BBS7: variants seen among roughly 807,000 people sequenced by gnomAD.
BBS7 encodes Bardet-Biedl syndrome 7, also known as BBSome complex member BBS7.
BBS7 carries 50 observed loss-of-function variants against 90.3 expected under a neutral mutation model. The ratio of observed to expected loss-of-function variants is 0.55; its 90% CI spans 0.44 to 0.70. The LOEUF (loss-of-function observed/expected upper bound fraction) is 0.70. Among genes scored for constraint, BBS7 ranks in the 30% least tolerant of loss-of-function variants. BBS7 has a pLI of 0.00. For missense variants in BBS7, 729 were observed against 838.9 expected (o/e 0.87, Z 1.62); for synonymous variants, 235 against 287.4 (o/e 0.82, Z 1.85).
At position 121,847,415 on chromosome 4, in the gene BBS7, A is replaced by C; in HGVS notation, c.1026T>G (p.Ile342Met). The change falls in exon 10 of 19, where the codon ATT becomes ATG. Residue 342 changes from isoleucine (I) to methionine (M), a missense_variant. Coordinates refer to ENST00000264499, the MANE Select transcript of BBS7 (RefSeq NM_176824.3). ...LKINQEMQNK[I>M]SSLRNELEHL... is the part of the protein sequence containing the mutation. ...AAACTCAAAGTTACCGTAAGGAAGA[A>C]ATTTTATTCTGCATCTCCTGATTAA... The C allele has an allele frequency of 6.2e-7, 1 of 1,610,586 alleles. No homozygotes were observed. Among genetic ancestry groups the C allele is most frequent in the Non-Finnish European group, 8.5e-7 (1 of 1,177,150 alleles).
intron 2 of BBS7, among the ~76,000 whole-genome samples, chr4:121,867,261 A>G (rs776230783): frequency 5.9e-5 from 9 of 152,048 alleles, no homozygotes; most frequent in Non-Finnish European, 1.2e-4. Flanking sequence ...ATTTCAGTAT[A>G]TTAATTTTGT....
chr4:121,859,829 A>G (rs551058995), intron 4 of BBS7, among the ~76,000 whole-genome samples: 3 of 152,162 alleles, frequency 2.0e-5, no homozygotes, highest in Non-Finnish European at 4.4e-5. Flanking sequence ...AGTTTATTTC[A>G]TATTACATTT....
Position 121,828,659 on chromosome 4 carries a change from T to C in BBS7, c.1746A>G (p.Lys582=), listed in dbSNP as rs1185659710. The change falls in exon 16 of 19, where the codon AAA becomes AAG. Residue 582 remains lysine (K), a synonymous_variant. Coordinates refer to ENST00000264499, the MANE Select transcript of BBS7 (RefSeq NM_176824.3). ...GGTTAATTTTCCTTTTTGTAGCTTC[T>C]TTAGAAAGCACATCTTTTAGGATGG... The part of the protein sequence containing the change: ...TISILKDVLS[K]EATKRKINLN... 3.1e-6 allele frequency: 5 copies of C among 1,610,090 alleles called. No individual in the cohort carries two copies. The African/African-American group carries it at 6.7e-5, about 22-fold the overall frequency.
intron 7 of BBS7, among the ~76,000 whole-genome samples, chr4:121,853,333 T>A (rs1028676492): frequency 2.0e-5 from 3 of 152,116 alleles, no homozygotes; most frequent in South Asian, 2.1e-4. Context: ...TCCAGACTTA[T>A]ATATTCAATT....
Position 121,825,961 on chromosome 4 carries a change from T to A in BBS7, c.2047A>T (p.Lys683Ter). 6.2e-7 allele frequency: 1 copy of A among 1,605,476 alleles called. No individual in the cohort carries two copies. Among genetic ancestry groups the A allele is most frequent in the Non-Finnish European group, 8.5e-7 (1 of 1,173,036 alleles). The part of the protein sequence containing the change: ...MITDLFIDKF[K>*]FKGTNVKTKV... Reference sequence around the variant, plus strand: ...GTTTTTACATTGGTGCCTTTAAACTTAAATTTATCTATGAAAAGATCAGTG... The same window carrying A: ...GTTTTTACATTGGTGCCTTTAAACTAAAATTTATCTATGAAAAGATCAGTG... The change falls in exon 19 of 19, where the codon AAG becomes TAG. Residue 683 changes from lysine to a stop codon, truncating the protein, a stop_gained. Transcript: ENST00000264499. LOFTEE classifies it high-confidence loss of function.
chr4:121,824,636 C>A lies in BBS7; in HGVS notation c.*1224G>T, dbSNP rs1273749246. The A allele has an allele frequency of 6.6e-6, 1 of 151,904 alleles. No individual in the cohort carries two copies. Among genetic ancestry groups the A allele is most frequent in the African/African-American group, 2.4e-5 (1 of 41,384 alleles). 9.4% of individuals were successfully genotyped at this position (151,904 alleles called of 1,614,324 possible). ...CTATTTTTCCCCAAGCTGTGGCAACCAACAAAAAACACAATGACGTTCTAG... is the reference window on the plus strand; with the variant it reads ...CTATTTTTCCCCAAGCTGTGGCAACAAACAAAAAACACAATGACGTTCTAG... On this transcript the variant is annotated 3_prime_UTR_variant, in exon 19 of 19. Coordinates refer to ENST00000264499, the MANE Select transcript of BBS7 (RefSeq NM_176824.3). This position sits in a 1 kb window ranked among gnomAD's most constrained non-coding sequence, Gnocchi z 4.1.
At chr4:121,840,748 G>C (rs1425360683) in intron 12 of BBS7, among the ~76,000 whole-genome samples, 2 of 151,958 alleles carry the variant, frequency 1.3e-5, no homozygotes, top group Non-Finnish European at 2.9e-5. Flanking sequence ...AAATAAAAAG[G>C]ATGGTAATAT....
chr4:121,854,198 C>T (rs1188786449), intron 7 of BBS7, among the ~76,000 whole-genome samples: 1 of 152,112 alleles, frequency 6.6e-6, no homozygotes, highest in Admixed American at 6.5e-5. Context: ...TTTGTTTTTA[C>T]TCTGTCTCTC....
chr4:121,850,274 C>T (rs1028786258), intron 8 of BBS7, among the ~76,000 whole-genome samples: 1 of 151,940 alleles, frequency 6.6e-6, no homozygotes, highest in Non-Finnish European at 1.5e-5. Flanking sequence ...AAGTGACCCT[C>T]CCACCTTGGC....
At chr4:121,826,959 G>A (rs6818199) in intron 18 of BBS7, among the ~76,000 whole-genome samples, 6,639 of 152,184 alleles carry the variant, frequency 0.044, 478 homozygotes, top group African/African-American at 0.15. Context: ...CTCCAGCCTG[G>A]GAGACCAAGC....
intron 9 of BBS7, 113 bp from the exon 10 acceptor site, chr4:121,847,619 C>T: frequency 1.3e-6 from 1 of 779,216 alleles, no homozygotes; most frequent in South Asian, 1.4e-5. Flanking sequence ...CCACCAATAT[C>T]AGCCTAACTT....
chr4:121,850,114 T>C (rs1726237423), intron 8 of BBS7, among the ~76,000 whole-genome samples: 2 of 152,028 alleles, frequency 1.3e-5, no homozygotes, highest in African/African-American at 4.8e-5. Context: ...TCTGTATTTT[T>C]TTTTATTTAT....
intron 8 of BBS7, 75 bp from the exon 9 acceptor site, chr4:121,849,003 G>T: frequency 9.1e-7 from 1 of 1,099,180 alleles, no homozygotes; most frequent in Non-Finnish European, 1.4e-6. Flanking sequence ...GCCACACAAC[G>T]TTTTCCCTGG....
intron 13 of BBS7, 104 bp from the exon 14 acceptor site, chr4:121,835,387 G>C (rs1725404269): frequency 7.5e-7 from 1 of 1,337,644 alleles, no homozygotes. Flanking sequence ...TCACTAATAT[G>C]TGAAGACCTA....
intron 12 of BBS7, among the ~76,000 whole-genome samples, chr4:121,843,626 G>A (rs1013355517): frequency 6.6e-6 from 1 of 152,138 alleles, no homozygotes; most frequent in Non-Finnish European, 1.5e-5. Context: ...TGCTGAACCA[G>A]TAAATACAAA....
chr4:121,868,094 C>A (rs761471670), intron 1 of BBS7, 48 bp from the exon 2 acceptor site: 2 of 1,462,710 alleles, frequency 1.4e-6, no homozygotes, highest in Admixed American at 3.3e-5. Flanking sequence ...GAAGTTATTA[C>A]AGAGATTAAA....
chr4:121,864,015 G>A (rs1240119181), intron 2 of BBS7, among the ~76,000 whole-genome samples: 4 of 152,146 alleles, frequency 2.6e-5, no homozygotes, highest in Non-Finnish European at 5.9e-5. Flanking sequence ...TCCGCCTCCC[G>A]TCAGATCAGC....
intron 4 of BBS7, chr4:121,861,264 G>A (rs1025732805): frequency 2.9e-6 from 1 of 343,188 alleles, no homozygotes; most frequent in Admixed American, 4.6e-5. Context: ...CCTTGATCAT[G>A]AATCAAACTG....
chr4:121,863,991 T>G (rs1195448395), intron 2 of BBS7, among the ~76,000 whole-genome samples: 2 of 152,198 alleles, frequency 1.3e-5, no homozygotes, highest in Non-Finnish European at 2.9e-5. Context: ...AAAGTGATCA[T>G]TTACAGACTG....
Sources: gnomAD v4.1 joint callset for allele counts (sites outside exome capture counted in the v4.1 genomes callset) on GRCh38, gnomAD v4.1.1 for gene constraint, Gnocchi (gnomAD v3.1) non-coding constraint, MANE v1.5 for transcripts, NCBI Gene and HGNC (gene_info 2026-07-23, HGNC 2026-07-21) for gene names.